Variants in RNFT2 observed in about 807,000 individuals in gnomAD.
RNFT2 encodes E3 ubiquitin-protein ligase RNFT2.
In RNFT2, 36 loss-of-function variants were observed where a neutral mutation model predicts 53.0. The ratio of observed to expected loss-of-function variants is 0.68; its 90% CI spans 0.52 to 0.90. RNFT2 has a LOEUF of 0.90. RNFT2 is among the 40% of genes least tolerant of loss of function. RNFT2 has a pLI of 0.00. For synonymous variants in RNFT2, 260 were observed against 253.2 expected (o/e 1.03, Z -0.26); for missense variants, 514 against 585.6 (o/e 0.88, Z 1.26).
At chr12:116,754,608 T>C (rs762429748) in intron 5 of RNFT2, among the ~76,000 whole-genome samples, 1 of 152,228 alleles carries the variant, frequency 6.6e-6, no homozygotes, top group African/African-American at 2.4e-5. Context: ...CCACCAGCAG[T>C]GTAGACGTGT....
Position 116,836,208 on chromosome 12 carries a change from C to T in RNFT2, c.1126C>T (p.Gln376Ter). 6.3e-7 allele frequency: 1 copy of T among 1,595,824 alleles called. No homozygotes were observed. Reference protein sequence around the residue: ...QNYGVRATGQQCTEAGDICAI... With the variant: ...QNYGVRATGQ Reference sequence around the variant, plus strand: ...CTATGGAGTCCGAGCCACCGGGCAGCAGTGCACAGAAGCTGGTGACATCTG... The same window carrying T: ...CTATGGAGTCCGAGCCACCGGGCAGTAGTGCACAGAAGCTGGTGACATCTG... Residue 376 changes from glutamine (Q) to a stop codon, truncating the protein, a stop_gained, in exon 10 of 11, where the codon CAG becomes TAG. Coordinates refer to ENST00000257575, the MANE Select transcript of RNFT2 (RefSeq NM_001382266.1). LOFTEE classifies it high-confidence loss of function.
Position 116,849,295 on chromosome 12 carries a change from C to G in RNFT2, c.1201-19C>G. 6.6e-7 allele frequency: 1 copy of G among 1,523,664 alleles called. No homozygotes were observed. 94.4% of individuals were successfully genotyped at this position (1,523,664 alleles called of 1,614,324 possible). On this transcript the variant is annotated intron_variant, in intron 10 of 10. Transcript: ENST00000257575. The stretch of plus-strand genomic sequence containing the variant: ...GCTCAGTAAAGAGTCCTGGTGCCTG[C>G]TGATTGCTGTCCCCGCAGCACGTGT...
chr12:116,826,668 C>T (rs1202466469), intron 7 of RNFT2, among the ~76,000 whole-genome samples: 2 of 152,174 alleles, frequency 1.3e-5, no homozygotes, highest in African/African-American at 2.4e-5. Flanking sequence ...GCTGTGACAT[C>T]AGTGCTTGCT....
Position 116,831,484 on chromosome 12 carries a change from A to G in RNFT2, c.883-2308A>G, listed in dbSNP as rs576323167. The stretch of plus-strand genomic sequence containing the variant: ...TTTAATGGCTGTATGGCTTTCCATT[A>G]TAGATCTCTAACATAATCAGACCCT... On this transcript the variant is annotated intron_variant, in intron 7 of 10. Coordinates refer to ENST00000257575, the MANE Select transcript of RNFT2 (RefSeq NM_001382266.1). 1.2e-4 allele frequency among the ~76,000 whole-genome samples: 18 copies of G among 151,884 alleles called. No homozygotes were observed. In the South Asian group the frequency reaches 3.5e-3, roughly 30 times the overall value.
intron 7 of RNFT2, among the ~76,000 whole-genome samples, chr12:116,811,051 C>A (rs1233497303): frequency 1.3e-5 from 2 of 152,158 alleles, no homozygotes; most frequent in African/African-American, 4.8e-5. Context: ...AGTATCACTT[C>A]CAGTCAGTCA....
chr12:116,806,916 G>A (rs1292977227), intron 7 of RNFT2, among the ~76,000 whole-genome samples: 1 of 152,076 alleles, frequency 6.6e-6, no homozygotes, highest in African/African-American at 2.4e-5. Flanking sequence ...GATTCCGTGT[G>A]CCACTGTTCT....
intron 5 of RNFT2, chr12:116,755,260 A>G (rs1439693676): frequency 3.3e-6 from 2 of 607,940 alleles, no homozygotes; most frequent in Middle Eastern, 4.3e-4. Context: ...TCCCCACTTT[A>G]TGTTTTTGTT....
rs1441342438 is a variant in RNFT2, at chr12:116,851,797, A to G, written c.*2349A>G. The G allele has an allele frequency of 1.5e-6, 1 of 657,550 alleles. No individual in the cohort carries two copies. The highest frequency in any genetic ancestry group is 2.5e-5 in the Admixed American group (1 of 40,086). 40.7% of individuals were successfully genotyped at this position (657,550 alleles called of 1,614,324 possible). A position where few individuals can be genotyped will look rare whatever the true frequency, so the allele number is the denominator to read the frequency against. On this transcript the variant is annotated 3_prime_UTR_variant, in exon 11 of 11. Coordinates refer to ENST00000257575, the MANE Select transcript of RNFT2 (RefSeq NM_001382266.1). Reference sequence around the variant, plus strand: ...GAGGGAGGAAGGAAGGAAGGAAGGAAAGAAAGAAAGGTCAGCTTTGGCCCA... The same window carrying G: ...GAGGGAGGAAGGAAGGAAGGAAGGAGAGAAAGAAAGGTCAGCTTTGGCCCA...
chr12:116,833,208 C>T (rs1043884835), intron 7 of RNFT2, among the ~76,000 whole-genome samples: 4 of 152,142 alleles, frequency 2.6e-5, no homozygotes, highest in African/African-American at 9.7e-5. Context: ...CATGAGCCAC[C>T]ACACCCGGCC....
chr12:116,801,883 G>A (rs1249466633), intron 7 of RNFT2, among the ~76,000 whole-genome samples: 1 of 152,012 alleles, frequency 6.6e-6, no homozygotes, highest in Non-Finnish European at 1.5e-5. Context: ...GTGCAGTGGT[G>A]CGATCTTGGC....
At chr12:116,771,351 C>G (rs901020068) in intron 6 of RNFT2, among the ~76,000 whole-genome samples, 1 of 150,730 alleles carries the variant, frequency 6.6e-6, no homozygotes, top group African/African-American at 2.4e-5. Context: ...TCCCCGCTAC[C>G]CTGGAGACTA....
intron 3 of RNFT2, among the ~76,000 whole-genome samples, chr12:116,743,839 G>C (rs920318393): frequency 6.6e-6 from 1 of 152,094 alleles, no homozygotes; most frequent in Non-Finnish European, 1.5e-5. Context: ...CCAAACCCCA[G>C]CTCAGCCACT....
At position 116,822,373 on chromosome 12, in the gene RNFT2, A is replaced by G. The variant is rs376718312; in HGVS notation, c.883-11419A>G. 9.9e-5 allele frequency among the ~76,000 whole-genome samples: 15 copies of G among 152,112 alleles called. No homozygotes were observed. The East Asian group carries it at 2.9e-3, about 29-fold the overall frequency. ...CTCTCTCTCTCTCTGTGGCAATTCC[A>G]GCTGTAAGAGTGTTGGCTTGGGGCT... On this transcript the variant is annotated intron_variant, in intron 7 of 10. Coordinates refer to ENST00000257575, the MANE Select transcript of RNFT2 (RefSeq NM_001382266.1).
At chr12:116,782,907 T>C (rs1037255636) in intron 7 of RNFT2, among the ~76,000 whole-genome samples, 1 of 152,102 alleles carries the variant, frequency 6.6e-6, no homozygotes, top group African/African-American at 2.4e-5. Flanking sequence ...CCTTTGTAAA[T>C]AGCACAGGTA....
intron 7 of RNFT2, among the ~76,000 whole-genome samples, chr12:116,801,836 T>TTTGTTTG (rs1565864614): frequency 1.4e-3 from 208 of 149,894 alleles, no homozygotes; most frequent in African/African-American, 5.0e-3. Context: ...TTGTTTGTTT[T>TTTGTTTG]TTTGAGACAG....
intron 7 of RNFT2, among the ~76,000 whole-genome samples, chr12:116,784,681 A>T (rs752512370): frequency 6.6e-6 from 1 of 152,024 alleles, no homozygotes; most frequent in Non-Finnish European, 1.5e-5. Context: ...CCTGGAAAGG[A>T]CCTCTAACTC....
intron 7 of RNFT2, among the ~76,000 whole-genome samples, chr12:116,833,342 G>A (rs1014819984): frequency 6.6e-6 from 1 of 152,198 alleles, no homozygotes; most frequent in African/African-American, 2.4e-5. Flanking sequence ...CCTGCATTCT[G>A]TGCCCATCCT....
chr12:116,779,365 G>T lies in RNFT2; in HGVS notation c.882+17G>T. ...AAGTCCAAGGTAGGCACTGGCTGCG[G>T]CCACAAGGTAGCCCCAGTCACATGG... On this transcript the variant is annotated intron_variant, in intron 7 of 10. Coordinates refer to ENST00000257575, the MANE Select transcript of RNFT2 (RefSeq NM_001382266.1). The T allele has an allele frequency of 1.2e-6, 2 of 1,613,698 alleles. No individual in the cohort carries two copies. Among genetic ancestry groups the T allele is most frequent in the Admixed American group, 1.7e-5 (1 of 60,016 alleles).
intron 7 of RNFT2, among the ~76,000 whole-genome samples, chr12:116,818,751 C>G (rs758851409): frequency 2.6e-5 from 4 of 152,196 alleles, no homozygotes; most frequent in African/African-American, 4.8e-5. Context: ...AGTCCCAGTT[C>G]TGCAGCAAGT....
Sources: allele counts gnomAD v4.1 joint callset (sites outside exome capture counted in the v4.1 genomes callset), GRCh38; gene constraint gnomAD v4.1.1; transcripts MANE v1.5; gene names NCBI Gene and HGNC (gene_info 2026-07-23, HGNC 2026-07-21).